The following SGCE variants were observed in gnomAD, a reference collection of about 807,000 sequenced individuals.
SGCE encodes the protein epsilon-sarcoglycan.
Under a neutral mutation model 57.8 loss-of-function variants are expected in SGCE, and 26 were observed. The ratio of observed to expected loss-of-function variants is 0.45; its 90% CI spans 0.33 to 0.62. The LOEUF is 0.62. Ranked by LOEUF, SGCE falls within the 20% of genes least tolerant of loss-of-function variation. The pLI is 0.02. For missense variants in SGCE, 468 were observed against 548.6 expected (o/e 0.85, Z 1.47); for synonymous variants, 183 against 189.5 (o/e 0.97, Z 0.28).
intron 9 of SGCE, chr7:94,590,971 T>TCAA (rs1485687156): frequency 3.9e-5 from 6 of 152,164 alleles, no homozygotes; most frequent in Non-Finnish European, 2.9e-5. Flanking sequence ...CAGTTCCACT[T>TCAA]TAAAGATATT....
At chr7:94,591,847 A>G (rs1797714282) in intron 9 of SGCE, among the ~76,000 whole-genome samples, 1 of 152,228 alleles carries the variant, frequency 6.6e-6, no homozygotes, top group Admixed American at 6.5e-5. Context: ...AATTCGGAGA[A>G]GATGCATAAG....
Position 94,649,534 on chromosome 7 carries a change from A to T in SGCE, c.109+6456T>A, listed in dbSNP as rs530494547. ...TCAGCTGAGCGTTGACAAGCCAGAA[A>T]CTCATCTTTGAGCTTTTCTGTCTTG... On this transcript the variant is annotated intron_variant, in intron 1 of 10. Coordinates refer to ENST00000648936, the MANE Select transcript of SGCE (RefSeq NM_003919.3). Among the ~76,000 whole-genome samples, 115 of 152,192 alleles carry T rather than the reference A, an allele frequency of 7.6e-4. 4 individuals are homozygous for T. In the South Asian group the frequency reaches 0.023, roughly 30 times the overall value.
intron 5 of SGCE, among the ~76,000 whole-genome samples, chr7:94,604,691 T>C (rs1799773762): frequency 6.6e-6 from 1 of 150,958 alleles, no homozygotes; most frequent in Admixed American, 6.6e-5. Flanking sequence ...ACATATCCTG[T>C]CCTACCTAAG....
At chr7:94,637,046 C>T (rs1238035694) in intron 1 of SGCE, among the ~76,000 whole-genome samples, 12 of 145,940 alleles carry the variant, frequency 8.2e-5, no homozygotes, top group East Asian at 5.9e-4. Context: ...GCAACAAGAG[C>T]GAAACTCCAT....
intron 10 of SGCE, chr7:94,588,381 T>C (rs1391303982): frequency 8.6e-7 from 1 of 1,157,600 alleles, no homozygotes; most frequent in African/African-American, 1.6e-5. Context: ...GCTAAGAATC[T>C]TTCATACCAA....
chr7:94,647,238 T>C (rs1466169208), intron 1 of SGCE, among the ~76,000 whole-genome samples: 1 of 152,210 alleles, frequency 6.6e-6, no homozygotes, highest in Non-Finnish European at 1.5e-5. Context: ...CTCTTCATCC[T>C]GTGTGTGGCA....
chr7:94,593,894 T>G (rs1347056172), intron 9 of SGCE, among the ~76,000 whole-genome samples: 3 of 152,104 alleles, frequency 2.0e-5, no homozygotes, highest in Non-Finnish European at 4.4e-5. Context: ...TTTTGATTAT[T>G]AAGCCAGGAA....
chr7:94,605,702 AAAC>A (rs1465902730), intron 5 of SGCE, among the ~76,000 whole-genome samples: 3 of 152,228 alleles, frequency 2.0e-5, no homozygotes, highest in African/African-American at 4.8e-5. Context: ...AGAGGAGAGA[AAAC>A]AATCATAAAA....
At chr7:94,614,049 C>A (rs138619833) in intron 5 of SGCE, among the ~76,000 whole-genome samples, 5 of 146,516 alleles carry the variant, frequency 3.4e-5, no homozygotes, top group Admixed American at 7.0e-5. Flanking sequence ...ACTAATAATT[C>A]TCTTGCAAGC....
intron 1 of SGCE, among the ~76,000 whole-genome samples, chr7:94,636,176 G>A (rs1041479262): frequency 1.3e-5 from 2 of 152,170 alleles, no homozygotes; most frequent in African/African-American, 2.4e-5. Context: ...TGATTATTGT[G>A]TGATTTCATG....
intron 1 of SGCE, among the ~76,000 whole-genome samples, chr7:94,637,274 T>A (rs1805722564): frequency 6.6e-6 from 1 of 152,162 alleles, no homozygotes; most frequent in Admixed American, 6.5e-5. Context: ...ATTTTAAAAG[T>A]GATGAAACAA....
intron 5 of SGCE, chr7:94,617,329 C>T (rs545607366): frequency 3.3e-5 from 5 of 152,292 alleles, no homozygotes; most frequent in South Asian, 4.1e-4. Flanking sequence ...ACCTGCACTA[C>T]TAACGAGAAA....
intron 2 of SGCE, chr7:94,628,735 T>A (rs1028212332): frequency 4.7e-6 from 1 of 211,436 alleles, no homozygotes; most frequent in African/African-American, 2.4e-5. Context: ...CTGGACACTA[T>A]CATATGAGTA....
intron 5 of SGCE, among the ~76,000 whole-genome samples, chr7:94,610,589 G>C (rs769073241): frequency 2.0e-5 from 3 of 152,076 alleles, no homozygotes; most frequent in Non-Finnish European, 4.4e-5. Context: ...ATATGACCTT[G>C]GATTAGGCAA....
intron 1 of SGCE, among the ~76,000 whole-genome samples, chr7:94,645,781 A>G (rs1200200293): frequency 6.6e-6 from 1 of 152,216 alleles, no homozygotes; most frequent in Non-Finnish European, 1.5e-5. Flanking sequence ...AAGAATGCCT[A>G]GCATATAATG....
At chr7:94,623,576 A>G (rs967633961) in intron 3 of SGCE, 179 bp from the exon 4 acceptor site, 2 of 592,782 alleles carry the variant, frequency 3.4e-6, no homozygotes. Flanking sequence ...TATTATGGGA[A>G]AATAAATAAT....
At chr7:94,597,351 G>A (rs1798547218) in intron 9 of SGCE, 1 of 152,032 alleles carries the variant, frequency 6.6e-6, no homozygotes. Context: ...ATACTTTTGG[G>A]TTTCTGAAGT....
At chr7:94,621,416 C>G (rs942249538) in intron 4 of SGCE, 1 of 152,256 alleles carries the variant, frequency 6.6e-6, no homozygotes, top group Non-Finnish European at 1.5e-5. Flanking sequence ...AGACAAAGAG[C>G]CCTGCTGCCA....
intron 1 of SGCE, chr7:94,644,528 A>G (rs1270961124): frequency 3.8e-6 from 2 of 521,392 alleles, no homozygotes; most frequent in Non-Finnish European, 6.3e-6. Flanking sequence ...AATAATAAAT[A>G]ATAACTTATT....
Sources: gnomAD v4.1 joint callset for allele counts (sites outside exome capture counted in the v4.1 genomes callset) on GRCh38, gnomAD v4.1.1 for gene constraint, MANE v1.5 for transcripts, NCBI Gene and HGNC (gene_info 2026-07-23, HGNC 2026-07-21) for gene names.